The following DNAJC7 variants were observed in gnomAD, a reference collection of about 807,000 sequenced individuals.
DNAJC7 encodes dnaJ homolog subfamily C member 7.
In DNAJC7, 18 loss-of-function variants were observed where a neutral mutation model predicts 67.4. The observed-to-expected ratio is 0.27, with a 90% CI of 0.18 to 0.40. DNAJC7 has a LOEUF of 0.40. Among genes scored for constraint, DNAJC7 ranks in the 10% least tolerant of loss-of-function variants. The probability of loss-of-function intolerance (pLI) is 1.00; values close to 1 mark genes in which losing one functional copy is unlikely to be tolerated. For missense variants in DNAJC7, 419 were observed against 613.8 expected (o/e 0.68, Z 3.35); for synonymous variants, 220 against 207.8 (o/e 1.06, Z -0.50).
chr17:41,987,161 G>C (rs573229015), intron 9 of DNAJC7, among the ~76,000 whole-genome samples: 12 of 152,076 alleles, frequency 7.9e-5, no homozygotes, highest in Non-Finnish European at 1.8e-4. Context: ...ACCATGCCAG[G>C]GAGCACCCTG....
intron 1 of DNAJC7, chr17:42,015,618 G>C (rs2052246608): frequency 1.3e-5 from 2 of 151,982 alleles, no homozygotes. Flanking sequence ...GCCGAGGTGG[G>C]CGGATCACGA....
chr17:41,995,167 TAG>T (rs2051622394), intron 4 of DNAJC7, among the ~76,000 whole-genome samples: 1 of 152,146 alleles, frequency 6.6e-6, no homozygotes, highest in Non-Finnish European at 1.5e-5. Flanking sequence ...TGGCATTCCC[TAG>T]AGAGAGGTGG....
intron 5 of DNAJC7, among the ~76,000 whole-genome samples, chr17:41,991,306 G>A (rs1418052337): frequency 6.6e-6 from 1 of 152,086 alleles, no homozygotes; most frequent in Non-Finnish European, 1.5e-5. Flanking sequence ...GATAAACTCT[G>A]AAAACTTACA....
chr17:41,987,600 G>A (rs2051416056), intron 9 of DNAJC7: 1 of 495,146 alleles, frequency 2.0e-6, no homozygotes, highest in Admixed American at 3.6e-5. Context: ...CTGACCGTGA[G>A]GGGCGTTAGA....
At chr17:41,991,169 C>T (rs1422602044) in intron 5 of DNAJC7, among the ~76,000 whole-genome samples, 1 of 152,180 alleles carries the variant, frequency 6.6e-6, no homozygotes, top group Non-Finnish European at 1.5e-5. Flanking sequence ...TTTGGTTTAG[C>T]TGCTATTTAT....
chr17:41,988,612 T>C, intron 8 of DNAJC7, 120 bp downstream of exon 8: 1 of 1,246,618 alleles, frequency 8.0e-7, no homozygotes, highest in South Asian at 1.7e-5. Context: ...TAACAAACTA[T>C]TAACCATAAC....
At position 41,982,014 on chromosome 17, in the gene DNAJC7, T is replaced by A. The variant is rs1315086719; in HGVS notation, c.1232-7A>T. The A allele has an allele frequency of 6.2e-7, 1 of 1,611,612 alleles. No homozygotes were observed. On this transcript the variant is annotated splice_polypyrimidine_tract_variant and splice_region_variant and intron_variant, in intron 11 of 13. Coordinates refer to ENST00000457167, the MANE Select transcript of DNAJC7 (RefSeq NM_003315.4). ...CTGGCTCCACTATGCCGATCTAAAG[T>A]GGGGAGTAAAAGAACAACTCAGTGG...
chr17:42,008,636 TC>T (rs1406774497), intron 1 of DNAJC7, among the ~76,000 whole-genome samples: 2 of 152,102 alleles, frequency 1.3e-5, no homozygotes, highest in Non-Finnish European at 2.9e-5. Context: ...GGTCTCAATC[TC>T]CTGACCTCAT....
chr17:42,002,462 G>GGTC lies in DNAJC7; in HGVS notation c.78-1895_78-1893dup, dbSNP rs782177246. On this transcript the variant is annotated intron_variant, in intron 1 of 13. Coordinates refer to ENST00000457167, the MANE Select transcript of DNAJC7 (RefSeq NM_003315.4). ...CTTCCTAAGACACTACCCCTATGGA[G>GGTC]GTCGGGGAGTTCAGGACTGGCTTCT... Among the ~76,000 whole-genome samples, 16 of 152,300 alleles carry GGTC rather than the reference G, an allele frequency of 1.1e-4. No homozygotes were observed. In the East Asian group the frequency reaches 1.2e-3, roughly 11 times the overall value.
chr17:41,976,545 T>A lies in DNAJC7; in HGVS notation c.*188A>T. ...CCTGTCCACCCCCGCCTCCCTCCCC[T>A]GCCCTCGGTCTTCGGCATTGGTTCC... On this transcript the variant is annotated 3_prime_UTR_variant, in exon 14 of 14. Transcript: ENST00000457167. The A allele has an allele frequency of 1.1e-3, 479 of 447,968 alleles. No homozygotes were observed. Among genetic ancestry groups the A allele is most frequent in the East Asian group, 2.6e-3 (39 of 14,746 alleles). 27.7% of individuals were successfully genotyped at this position (447,968 alleles called of 1,614,324 possible). A position where few individuals can be genotyped will look rare whatever the true frequency, so the allele number is the denominator to read the frequency against.
At position 41,989,453 on chromosome 17, in the gene DNAJC7, T is replaced by C; in HGVS notation, c.704A>G (p.Gln235Arg). 6.2e-7 allele frequency: 1 copy of C among 1,614,052 alleles called. No homozygotes were observed. The highest frequency in any genetic ancestry group is 8.5e-7 in the Non-Finnish European group (1 of 1,179,900). Residue 235 changes from glutamine (Q) to arginine (R), a missense_variant, in exon 7 of 14, where the codon CAG (glutamine) becomes CGG (arginine). Coordinates refer to ENST00000457167, the MANE Select transcript of DNAJC7 (RefSeq NM_003315.4). ...CIEKAVQFFVQALRMAPDHEK... is the reference protein window; with the variant it reads ...CIEKAVQFFVRALRMAPDHEK... ...GTGGTCAGGAGCCATCCTGAGAGCC[T>C]GTACGAAAAACTGAACTGCCTTCTC...
intron 1 of DNAJC7, chr17:42,014,466 A>G (rs1555651551): frequency 6.6e-6 from 1 of 151,140 alleles, no homozygotes; most frequent in Non-Finnish European, 1.5e-5. Context: ...GCACCCAGCC[A>G]ATTTTCCTTT....
At chr17:41,989,370 T>C (rs782222229) in intron 7 of DNAJC7, 34 bp downstream of exon 7, 3 of 1,608,452 alleles carry the variant, frequency 1.9e-6, no homozygotes, top group African/African-American at 1.3e-5. Context: ...AAAAGGAAGC[T>C]CTTTCCCAGT....
chr17:41,991,463 T>G (rs2143193473), intron 5 of DNAJC7, among the ~76,000 whole-genome samples: 1 of 152,326 alleles, frequency 6.6e-6, no homozygotes, highest in Non-Finnish European at 1.5e-5. Context: ...TCAGTGATTT[T>G]TTTTTAAAGG....
chr17:42,006,500 TAA>T (rs1297441505), intron 1 of DNAJC7, among the ~76,000 whole-genome samples: 2 of 150,118 alleles, frequency 1.3e-5, no homozygotes, highest in African/African-American at 2.4e-5. Flanking sequence ...ACCCTGCCTT[TAA>T]AAAAAACAAA....
intron 1 of DNAJC7, among the ~76,000 whole-genome samples, chr17:42,002,960 A>AGTT (rs2051848347): frequency 6.6e-6 from 1 of 152,216 alleles, no homozygotes; most frequent in Admixed American, 6.5e-5. Context: ...AAGATGCAAG[A>AGTT]CCTAGTGAAC....
At chr17:41,996,252 C>T in intron 4 of DNAJC7, 59 bp downstream of exon 4, 1 of 1,556,138 alleles carries the variant, frequency 6.4e-7, no homozygotes, top group Non-Finnish European at 8.8e-7. Flanking sequence ...TTTCAAGTAG[C>T]CACTCCTCCC....
chr17:42,012,085 G>A (rs1164033548), intron 1 of DNAJC7, among the ~76,000 whole-genome samples: 4 of 152,230 alleles, frequency 2.6e-5, no homozygotes, highest in Non-Finnish European at 5.9e-5. Flanking sequence ...AAGGAATCAG[G>A]TAAGGATGTC....
chr17:41,990,767 C>T (rs893899922), intron 5 of DNAJC7, among the ~76,000 whole-genome samples: 10 of 151,740 alleles, frequency 6.6e-5, no homozygotes, highest in Middle Eastern at 3.4e-3. Flanking sequence ...CCTGGGTTCA[C>T]GCCATTCTCC....
Sources: allele counts gnomAD v4.1 joint callset (sites outside exome capture counted in the v4.1 genomes callset), GRCh38; gene constraint gnomAD v4.1.1; transcripts MANE v1.5; gene names NCBI Gene and HGNC (gene_info 2026-07-23, HGNC 2026-07-21).